The following SEMA6A variants were observed in gnomAD, a reference collection of about 807,000 sequenced individuals.
The protein encoded by SEMA6A is semaphorin 6A.
A neutral mutation model predicts 96.8 loss-of-function variants in SEMA6A; 25 were observed. That is an observed-to-expected ratio of 0.26 (90% CI 0.19 to 0.36). The LOEUF (loss-of-function observed/expected upper bound fraction) is 0.36, where lower values mean the gene tolerates loss of function less well. SEMA6A is among the 10% of genes least tolerant of loss of function. The probability of loss-of-function intolerance (pLI) is 1.00; values close to 1 mark genes in which losing one functional copy is unlikely to be tolerated. For synonymous variants in SEMA6A, 612 were observed against 518.0 expected (o/e 1.18, Z -2.46); for missense variants, 1,363 against 1,323.1 (o/e 1.03, Z -0.47).
At chr5:116,497,976 A>G (rs1189884995) in intron 3 of SEMA6A, among the ~76,000 whole-genome samples, 1 of 152,230 alleles carries the variant, frequency 6.6e-6, no homozygotes, top group Non-Finnish European at 1.5e-5. Context: ...TACTTAAGCT[A>G]AAGTTTACAT....
chr5:116,561,570 C>G (rs1241147476), intron 1 of SEMA6A, among the ~76,000 whole-genome samples: 1 of 152,212 alleles, frequency 6.6e-6, no homozygotes, highest in Non-Finnish European at 1.5e-5. Flanking sequence ...ACATTTAAAA[C>G]TCTTTCATGT....
intron 1 of SEMA6A, among the ~76,000 whole-genome samples, chr5:116,571,039 GGT>G (rs1246908640): frequency 6.6e-6 from 1 of 152,084 alleles, no homozygotes; most frequent in Non-Finnish European, 1.5e-5. Context: ...GAACTTGAGG[GGT>G]GTGTGTTGTG....
At chr5:116,559,959 A>G (rs781509243) in intron 1 of SEMA6A, among the ~76,000 whole-genome samples, 35 of 152,372 alleles carry the variant, frequency 2.3e-4, no homozygotes, top group Non-Finnish European at 3.7e-4. Flanking sequence ...CACCCTGGGC[A>G]GAGCCCTCCA....
At chr5:116,496,182 T>C (rs946240325) in intron 5 of SEMA6A, 69 bp downstream of exon 5, 2 of 1,286,902 alleles carry the variant, frequency 1.6e-6, no homozygotes, top group African/African-American at 3.0e-5. Context: ...CATCACGGTC[T>C]ATGGCTGGAG....
At chr5:116,498,570 G>C (rs1390374257) in intron 3 of SEMA6A, 3 of 152,010 alleles carry the variant, frequency 2.0e-5, no homozygotes, top group Admixed American at 2.0e-4. Flanking sequence ...GTGTGCATGG[G>C]GGGAGGGGGT....
chr5:116,454,916 G>T (rs1290273179), intron 18 of SEMA6A, among the ~76,000 whole-genome samples: 2 of 152,254 alleles, frequency 1.3e-5, no homozygotes, highest in South Asian at 2.1e-4. Flanking sequence ...GTTAATGACT[G>T]ACCATGCCAA....
chr5:116,496,310 G>C lies in SEMA6A; in HGVS notation c.283C>G (p.Leu95Val). 8 of 1,613,512 alleles carry C rather than the reference G, an allele frequency of 5.0e-6. No homozygotes were observed. The highest frequency in any genetic ancestry group is 6.8e-6 in the Non-Finnish European group (8 of 1,179,604). The change falls in exon 5 of 19, where the codon CTG becomes GTG. Residue 95 changes from leucine to valine, a missense_variant. Leu to Val is a conservative substitution (Grantham distance 32). Transcript: ENST00000343348. ...TCGGCCTGTCTAGATTTCCATGTCA[G>C]TTTCTGCAGGGATCAAGAAAGAAAT... ...HTEEIYCSKK[L>V]TWKSRQADVD...
At chr5:116,549,878 C>G (rs254227) in intron 1 of SEMA6A, among the ~76,000 whole-genome samples, 1 of 151,980 alleles carries the variant, frequency 6.6e-6, no homozygotes, top group Non-Finnish European at 1.5e-5. Context: ...CCTCTTTGCC[C>G]AAGTGCTACC....
At chr5:116,467,812 A>G in intron 17 of SEMA6A, 65 bp from the exon 18 acceptor site, 1 of 1,537,628 alleles carries the variant, frequency 6.5e-7, no homozygotes, top group Non-Finnish European at 8.8e-7. Context: ...CTTTGCGCAG[A>G]GGCCTGGAGG....
chr5:116,551,684 T>G (rs1760417307), intron 1 of SEMA6A, among the ~76,000 whole-genome samples: 1 of 152,206 alleles, frequency 6.6e-6, no homozygotes, highest in African/African-American at 2.4e-5. Context: ...GCACATAGTT[T>G]CATTTGCGGA....
intron 12 of SEMA6A, among the ~76,000 whole-genome samples, chr5:116,479,651 C>A (rs1756649936): frequency 6.6e-6 from 1 of 152,136 alleles, no homozygotes; most frequent in Non-Finnish European, 1.5e-5. Flanking sequence ...CTGTTGGCCA[C>A]CAGTTCAGAA....
intron 1 of SEMA6A, among the ~76,000 whole-genome samples, chr5:116,545,041 G>C (rs1399180367): frequency 2.0e-5 from 3 of 151,884 alleles, no homozygotes. Flanking sequence ...TTTGACCTGA[G>C]TCACCTCTGG....
intron 1 of SEMA6A, among the ~76,000 whole-genome samples, chr5:116,566,509 C>G (rs1210282215): frequency 1.3e-5 from 2 of 152,200 alleles, no homozygotes; most frequent in African/African-American, 4.8e-5. Flanking sequence ...ATTTATCTCA[C>G]ACTCTTTCCA....
rs189811692 is a variant in SEMA6A at position 116,537,175 on chromosome 5, A to G, written c.-38-32193T>C. On this transcript the variant is annotated intron_variant, in intron 1 of 18. Coordinates refer to ENST00000343348, the MANE Select transcript of SEMA6A (RefSeq NM_020796.5). ...CACATAGAGACCCACCAACAGGGAAACTGCAGCATGTGTTCATAATAAATA... is the reference window on the plus strand; with the variant it reads ...CACATAGAGACCCACCAACAGGGAAGCTGCAGCATGTGTTCATAATAAATA... Among the ~76,000 whole-genome samples the G allele has an allele frequency of 1.5e-4, 23 of 152,306 alleles. No individual in the cohort carries two copies. The East Asian group carries it at 4.4e-3, about 29-fold the overall frequency.
rs1264507105 is a variant in SEMA6A, at chr5:116,497,419, AAC to A, written c.219-34_219-33del. The A allele has an allele frequency of 1.1e-5, 15 of 1,356,302 alleles. No individual in the cohort carries two copies. The African/African-American group carries it at 1.7e-4, about 16-fold the overall frequency. 84.0% of individuals were successfully genotyped at this position (1,356,302 alleles called of 1,614,324 possible). A position where few individuals can be genotyped will look rare whatever the true frequency, so the allele number is the denominator to read the frequency against. On this transcript the variant is annotated intron_variant, in intron 3 of 18. Transcript: ENST00000343348. ...GCAAAGAAAAATTAATACAAGGTCAAACACAGAGTCAAAACAGTTCATTTTCT... is the reference window on the plus strand; with the variant it reads ...GCAAAGAAAAATTAATACAAGGTCAAACAGAGTCAAAACAGTTCATTTTCT...
intron 1 of SEMA6A, among the ~76,000 whole-genome samples, chr5:116,546,608 G>T (rs1232202533): frequency 6.6e-6 from 1 of 152,198 alleles, no homozygotes; most frequent in African/African-American, 2.4e-5. Flanking sequence ...CATGCTGCTG[G>T]TTCAGGAGCA....
Position 116,449,525 on chromosome 5 carries a change from A to G in SEMA6A, c.1895-1714T>C, listed in dbSNP as rs769664433. The G allele has an allele frequency of 1.4e-5, 8 of 555,246 alleles. No individual in the cohort carries two copies. The East Asian group carries it at 2.1e-4, about 15-fold the overall frequency. 34.4% of individuals were successfully genotyped at this position (555,246 alleles called of 1,614,324 possible). A position where few individuals can be genotyped will look rare whatever the true frequency, so the allele number is the denominator to read the frequency against. ...ACAGCCGAGACCTTGAAGCTTTCTCATGGGGGTTTTTCTGCTAAAATATTT... is the reference window on the plus strand; with the variant it reads ...ACAGCCGAGACCTTGAAGCTTTCTCGTGGGGGTTTTTCTGCTAAAATATTT... On this transcript the variant is annotated intron_variant, in intron 18 of 18. Transcript: ENST00000343348.
At chr5:116,513,705 G>T (rs116410105) in intron 1 of SEMA6A, among the ~76,000 whole-genome samples, 3,731 of 151,474 alleles carry the variant, frequency 0.025, 64 homozygotes, top group Middle Eastern at 0.041. Context: ...GGTGGTTTGC[G>T]GCACAGGTCA....
intron 1 of SEMA6A, among the ~76,000 whole-genome samples, chr5:116,566,709 C>T (rs934617963): frequency 6.6e-6 from 1 of 152,226 alleles, no homozygotes; most frequent in African/African-American, 2.4e-5. Context: ...ACTTGTATGA[C>T]TATCATTTGA....
Sources: allele counts gnomAD v4.1 joint callset (sites outside exome capture counted in the v4.1 genomes callset), GRCh38; gene constraint gnomAD v4.1.1; transcripts MANE v1.5; gene names NCBI Gene and HGNC (gene_info 2026-07-23, HGNC 2026-07-21).